The following PPFIA2 variants were observed in gnomAD, a reference collection of about 807,000 sequenced individuals.
PPFIA2 encodes PPFI scaffold protein A2.
In PPFIA2, 46 loss-of-function variants were observed where a neutral mutation model predicts 175.5. That is an observed-to-expected ratio of 0.26 (90% CI 0.21 to 0.34). The LOEUF is 0.34. Among genes scored for constraint, PPFIA2 ranks in the 10% least tolerant of loss-of-function variants. PPFIA2 has a pLI of 1.00. For synonymous variants in PPFIA2, 568 were observed against 511.4 expected, an observed-to-expected ratio of 1.11 and a Z score of -1.49; for missense variants, 1,179 against 1,506.1, an observed-to-expected ratio of 0.78 and a Z score of 3.60.
At chr12:81,283,409 AC>A (rs1323544865) in intron 25 of PPFIA2, among the ~76,000 whole-genome samples, 1 of 152,052 alleles carries the variant, frequency 6.6e-6, no homozygotes, top group Non-Finnish European at 1.5e-5. Context: ...GAAATCTTAT[AC>A]AAAGTAAATT....
intron 4 of PPFIA2, among the ~76,000 whole-genome samples, chr12:81,591,188 C>T (rs2058635028): frequency 6.6e-6 from 1 of 152,096 alleles, no homozygotes; most frequent in Admixed American, 6.5e-5. Flanking sequence ...GCATTTTGCC[C>T]TTGCCCTAAA....
At chr12:81,487,480 CTATTAT>C (rs199652863) in intron 4 of PPFIA2, among the ~76,000 whole-genome samples, 4 of 151,332 alleles carry the variant, frequency 2.6e-5, no homozygotes, top group African/African-American at 7.3e-5. Flanking sequence ...CAATGAATTA[CTATTAT>C]TATTATTATT....
rs571821814 is a variant in PPFIA2 at position 81,265,291 on chromosome 12, C to CAAAAAA, written c.3555+1655_3555+1660dup. Among the ~76,000 whole-genome samples the CAAAAAA allele has an allele frequency of 1.0e-4, 7 of 70,000 alleles. 1 individual carries two copies. Among genetic ancestry groups the CAAAAAA allele is most frequent in the Admixed American group, 4.1e-4 (2 of 4,838 alleles). 45.9% of individuals were successfully genotyped at this position (70,000 alleles called of 152,430 possible). Reference sequence around the variant, plus strand: ...CTGGGCAACAAGAGCGAAACTCTGTCAAAAAAAAAAAAAAAAAAAAAAAAA... The same window carrying CAAAAAA: ...CTGGGCAACAAGAGCGAAACTCTGTCAAAAAAAAAAAAAAAAAAAAAAAAAAAAAAA... On this transcript the variant is annotated intron_variant, in intron 30 of 32. Transcript: ENST00000549396.
intron 7 of PPFIA2, among the ~76,000 whole-genome samples, chr12:81,406,973 T>C (rs2043044555): frequency 6.6e-6 from 1 of 152,184 alleles, no homozygotes; most frequent in Non-Finnish European, 1.5e-5. Flanking sequence ...CCACCATGTG[T>C]CCATGACATC....
At chr12:81,403,542 G>A (rs1384162566) in intron 8 of PPFIA2, among the ~76,000 whole-genome samples, 7 of 152,192 alleles carry the variant, frequency 4.6e-5, no homozygotes, top group Non-Finnish European at 1.5e-5. Flanking sequence ...TGCTGCCAGT[G>A]CCAGGGAAGA....
At position 81,731,355 on chromosome 12, in the gene PPFIA2, T is replaced by G. The variant is rs898856053; in HGVS notation, c.249+22618A>C. On this transcript the variant is annotated intron_variant, in intron 3 of 32. Transcript: ENST00000549396. ...AGTGTGAAATACCTGAATCTGAAGG[T>G]TTAGCACTTTTTTTGTAATTTCTCT... Among the ~76,000 whole-genome samples the G allele has an allele frequency of 5.9e-5, 9 of 151,658 alleles. No individual in the cohort carries two copies. In the South Asian group the frequency reaches 6.2e-4, roughly 10 times the overall value.
intron 4 of PPFIA2, among the ~76,000 whole-genome samples, chr12:81,639,547 A>AT (rs1555546664): frequency 1.2e-4 from 18 of 151,408 alleles, no homozygotes; most frequent in South Asian, 1.0e-3. Flanking sequence ...CGGTAAAAAA[A>AT]ATATATATAT....
intron 8 of PPFIA2, among the ~76,000 whole-genome samples, chr12:81,401,132 ATTTG>A (rs2042031584): frequency 6.6e-6 from 1 of 151,962 alleles, no homozygotes; most frequent in East Asian, 1.9e-4. Context: ...CACTGTGTAT[ATTTG>A]TTTATTGCCT....
chr12:81,611,550 T>C (rs2060911621), intron 4 of PPFIA2, among the ~76,000 whole-genome samples: 1 of 152,070 alleles, frequency 6.6e-6, no homozygotes, highest in South Asian at 2.1e-4. Context: ...GTGGAGGCTG[T>C]GGGGTGCACC....
At chr12:81,368,996 G>T (rs969896564) in intron 12 of PPFIA2, 115 bp downstream of exon 12, 3 of 1,271,932 alleles carry the variant, frequency 2.4e-6, no homozygotes, top group Non-Finnish European at 3.2e-6. Context: ...AAGTCAACAG[G>T]TCATATTTGT....
At chr12:81,502,283 C>A (rs983868038) in intron 4 of PPFIA2, among the ~76,000 whole-genome samples, 14 of 152,122 alleles carry the variant, frequency 9.2e-5, no homozygotes, top group Non-Finnish European at 2.1e-4. Flanking sequence ...GAACTGCAAA[C>A]TTGCCATTTA....
chr12:81,333,321 G>T (rs550419692), intron 21 of PPFIA2, among the ~76,000 whole-genome samples: 2 of 152,256 alleles, frequency 1.3e-5, no homozygotes, highest in African/African-American at 2.4e-5. Flanking sequence ...CTCTTATACA[G>T]AACAACTCTT....
chr12:81,414,388 T>C (rs1335136234), intron 7 of PPFIA2, among the ~76,000 whole-genome samples: 4 of 151,660 alleles, frequency 2.6e-5, no homozygotes, highest in Non-Finnish European at 5.9e-5. Context: ...GTCATGGTTT[T>C]TACCTTACTG....
At chr12:81,740,357 C>T (rs773540650) in intron 3 of PPFIA2, among the ~76,000 whole-genome samples, 4 of 152,120 alleles carry the variant, frequency 2.6e-5, no homozygotes, top group Non-Finnish European at 4.4e-5. Context: ...AGTAATCAAA[C>T]AGCAAGTAGT....
rs1286203351 is a variant in PPFIA2, at chr12:81,714,313, C to T, written c.250-37469G>A. Among the ~76,000 whole-genome samples, 3 of 150,860 alleles carry T rather than the reference C, an allele frequency of 2.0e-5. No homozygotes were observed. In the Admixed American group the frequency reaches 2.0e-4, roughly 10 times the overall value. The stretch of plus-strand genomic sequence containing the variant: ...TTTTGGGGGAGAAAGAAAATTAAAT[C>T]TAGGATGACTTCGAAATTCTGGCCT... On this transcript the variant is annotated intron_variant, in intron 3 of 32. Transcript: ENST00000549396.
intron 7 of PPFIA2, among the ~76,000 whole-genome samples, chr12:81,407,933 C>T (rs573609717): frequency 3.3e-5 from 5 of 152,234 alleles, no homozygotes; most frequent in South Asian, 2.1e-4. Context: ...AATAATATCT[C>T]CTGAGAAAAT....
intron 3 of PPFIA2, among the ~76,000 whole-genome samples, chr12:81,741,646 T>G (rs1376781810): frequency 2.6e-5 from 4 of 152,070 alleles, no homozygotes; most frequent in African/African-American, 9.6e-5. Context: ...TTTTTTTTTT[T>G]TTTTAGCTCA....
intron 16 of PPFIA2, among the ~76,000 whole-genome samples, chr12:81,357,591 C>G (rs1476906702): frequency 6.6e-6 from 1 of 152,122 alleles, no homozygotes; most frequent in Non-Finnish European, 1.5e-5. Context: ...ACATTTTCTT[C>G]AAAGTGTTTT....
Position 81,367,137 on chromosome 12 carries a change from T to C in PPFIA2, c.1516A>G (p.Lys506Glu). 7.0e-7 allele frequency: 1 copy of C among 1,432,402 alleles called. No homozygotes were observed. Among genetic ancestry groups the C allele is most frequent in the Non-Finnish European group, 9.2e-7 (1 of 1,084,006 alleles). 88.7% of individuals were successfully genotyped at this position (1,432,402 alleles called of 1,614,324 possible). A position where few individuals can be genotyped will look rare whatever the true frequency, so the allele number is the denominator to read the frequency against. The change falls in exon 14 of 33, where the codon AAG (lysine) becomes GAG (glutamate). Residue 506 changes from lysine to glutamate, a missense_variant. Physicochemically the swap from Lys to Glu is moderately conservative, Grantham distance 56 (BLOSUM62 1). Transcript: ENST00000549396. ...TCATGTAAAGATTCTTCAAGATTCTTTCTGAAAGTTTCTGATTCTTGAATT... is the reference window on the plus strand; with the variant it reads ...TCATGTAAAGATTCTTCAAGATTCTCTCTGAAAGTTTCTGATTCTTGAATT... ...VLIQESETFR[K>E]NLEESLHDKE...
Sources: allele counts gnomAD v4.1 joint callset (sites outside exome capture counted in the v4.1 genomes callset), GRCh38; gene constraint gnomAD v4.1.1; transcripts MANE v1.5; gene names NCBI Gene and HGNC (gene_info 2026-07-23, HGNC 2026-07-21).